Variants in RBFOX1 observed in about 807,000 individuals in gnomAD.
The protein encoded by RBFOX1 is RNA binding fox-1 homolog 1.
A neutral mutation model predicts 57.7 loss-of-function variants in RBFOX1; 8 were observed. The observed-to-expected ratio is 0.14, with a 90% CI of 0.08 to 0.25. The LOEUF is 0.25. Ranked by LOEUF, RBFOX1 falls within the 10% of genes least tolerant of loss-of-function variation. The pLI is 1.00. For synonymous variants in RBFOX1, 326 were observed against 222.4 expected (o/e 1.47, Z -4.15); for missense variants, 611 against 548.5 (o/e 1.11, Z -1.14).
At chr16:7,200,745 C>T (rs576223957) in intron 4 of RBFOX1, among the ~76,000 whole-genome samples, 8 of 152,238 alleles carry the variant, frequency 5.3e-5, no homozygotes, top group African/African-American at 1.9e-4. Context: ...ATTAAGATGG[C>T]AGTGAAAATT....
At chr16:6,405,699 C>T (rs988715063) in intron 2 of RBFOX1, among the ~76,000 whole-genome samples, 1 of 152,126 alleles carries the variant, frequency 6.6e-6, no homozygotes, top group Non-Finnish European at 1.5e-5. Context: ...GAGGTAGACC[C>T]TATACATGAC....
intron 1 of RBFOX1, among the ~76,000 whole-genome samples, chr16:5,368,077 CA>C: frequency 6.6e-6 from 1 of 152,308 alleles, no homozygotes; most frequent in South Asian, 2.1e-4. Flanking sequence ...TAACCAGTCA[CA>C]AATCAGTTCA....
At chr16:7,551,533 T>C (rs935223973) in intron 5 of RBFOX1, among the ~76,000 whole-genome samples, 3 of 152,168 alleles carry the variant, frequency 2.0e-5, no homozygotes, top group Non-Finnish European at 4.4e-5. Flanking sequence ...GAGCTGACAT[T>C]GTTTTGAGGG....
At chr16:5,674,427 G>T (rs928586596) in intron 3 of RBFOX1, among the ~76,000 whole-genome samples, 1 of 152,152 alleles carries the variant, frequency 6.6e-6, no homozygotes, top group Non-Finnish European at 1.5e-5. Flanking sequence ...ACATGCCCGG[G>T]CGCAGGTTGA....
At chr16:5,787,708 A>G (rs997193474) in intron 3 of RBFOX1, among the ~76,000 whole-genome samples, 1 of 152,354 alleles carries the variant, frequency 6.6e-6, no homozygotes, top group African/African-American at 2.4e-5. Flanking sequence ...AGGCGAGCCC[A>G]GGAGAGGGTG....
intron 4 of RBFOX1, among the ~76,000 whole-genome samples, chr16:7,368,712 A>C (rs771791543): frequency 6.6e-6 from 1 of 151,718 alleles, no homozygotes; most frequent in Non-Finnish European, 1.5e-5. Flanking sequence ...CCTGGGAGAC[A>C]GAGCTTGCAG....
chr16:7,069,026 C>T (rs1407456391), intron 4 of RBFOX1, among the ~76,000 whole-genome samples: 1 of 152,204 alleles, frequency 6.6e-6, no homozygotes, highest in Admixed American at 6.5e-5. Context: ...AAGTAAAACA[C>T]ATGAATGAAT....
At chr16:6,815,410 C>G (rs1414262528) in intron 3 of RBFOX1, among the ~76,000 whole-genome samples, 2 of 152,122 alleles carry the variant, frequency 1.3e-5, no homozygotes, top group Admixed American at 1.3e-4. Flanking sequence ...CTTACTTTAC[C>G]TAACCCCTTT....
At chr16:7,429,039 G>C (rs575311765) in intron 4 of RBFOX1, among the ~76,000 whole-genome samples, 1 of 152,174 alleles carries the variant, frequency 6.6e-6, no homozygotes, top group Non-Finnish European at 1.5e-5. Flanking sequence ...GTCCACACTG[G>C]TGGAAAGGTG....
chr16:5,722,421 T>C (rs568011269), intron 3 of RBFOX1, among the ~76,000 whole-genome samples: 13 of 152,358 alleles, frequency 8.5e-5, no homozygotes, highest in African/African-American at 2.4e-4. Context: ...AGTCAAGGGC[T>C]CTGCTGGGCT....
At chr16:6,550,554 G>C (rs778002027) in intron 2 of RBFOX1, among the ~76,000 whole-genome samples, 1 of 152,178 alleles carries the variant, frequency 6.6e-6, no homozygotes, top group East Asian at 1.9e-4. Flanking sequence ...TTGGACTCCT[G>C]ACCTCAAGTG....
At chr16:6,966,913 AT>A (rs2084364033) in intron 3 of RBFOX1, among the ~76,000 whole-genome samples, 1 of 150,064 alleles carries the variant, frequency 6.7e-6, no homozygotes, top group African/African-American at 2.5e-5. Flanking sequence ...CCATCCATCC[AT>A]CCATCCATCC....
intron 4 of RBFOX1, among the ~76,000 whole-genome samples, chr16:7,475,223 G>C (rs543542406): frequency 6.6e-6 from 1 of 152,200 alleles, no homozygotes; most frequent in South Asian, 2.1e-4. Flanking sequence ...AAGAACAAAA[G>C]GGAGGAGTGT....
chr16:7,046,808 G>T lies in RBFOX1; in HGVS notation c.-15-5249G>T, dbSNP rs554518420. Reference sequence around the variant, plus strand: ...TTTAATAGAGACGGGGTTTTGCTGTGTTGACCAGACTGGTCTTGAACTCCT... The same window carrying T: ...TTTAATAGAGACGGGGTTTTGCTGTTTTGACCAGACTGGTCTTGAACTCCT... On this transcript the variant is annotated intron_variant, in intron 3 of 15. Coordinates refer to ENST00000550418, the MANE Select transcript of RBFOX1 (RefSeq NM_018723.4). Among the ~76,000 whole-genome samples the T allele has an allele frequency of 2.0e-5, 3 of 151,846 alleles. No individual in the cohort carries two copies. The South Asian group carries it at 6.2e-4, about 32-fold the overall frequency.
chr16:5,465,685 T>C (rs993270677), intron 1 of RBFOX1, among the ~76,000 whole-genome samples: 1 of 152,344 alleles, frequency 6.6e-6, no homozygotes, highest in African/African-American at 2.4e-5. Flanking sequence ...CTAAGAACTA[T>C]AACAAACATA....
chr16:7,506,396 G>T (rs2073313461), intron 4 of RBFOX1, among the ~76,000 whole-genome samples: 1 of 152,034 alleles, frequency 6.6e-6, no homozygotes, highest in Admixed American at 6.6e-5. Context: ...GCTTGAAAAA[G>T]AAGATAAAAA....
At chr16:6,557,101 A>G (rs997577653) in intron 2 of RBFOX1, among the ~76,000 whole-genome samples, 15 of 145,840 alleles carry the variant, frequency 1.0e-4, no homozygotes, top group Non-Finnish European at 1.5e-5. Context: ...ATACATATAT[A>G]CATACATATA....
chr16:6,599,336 G>T (rs967200582), intron 2 of RBFOX1, among the ~76,000 whole-genome samples: 1 of 152,124 alleles, frequency 6.6e-6, no homozygotes, highest in Non-Finnish European at 1.5e-5. Context: ...TCCTCTAATG[G>T]TTGTGCGTTT....
Position 7,518,227 on chromosome 16 carries a change from T to C in RBFOX1, c.108T>C (p.Gly36=). ...CCCAGTTTGCTCCCCCGCAGAACGG[T>C]ATCCCCGCGGAATACACGGCCCCTC... ...ASAQFAPPQN[G]IPAEYTAPHP... Residue 36 remains glycine (G), a synonymous_variant, in exon 5 of 16, where the codon GGT becomes GGC. Transcript: ENST00000550418. 1 of 1,614,040 alleles carries C rather than the reference T, an allele frequency of 6.2e-7. No homozygotes were observed. Among genetic ancestry groups the C allele is most frequent in the African/African-American group, 1.3e-5 (1 of 75,012 alleles).
Sources: gnomAD v4.1 joint callset for allele counts (sites outside exome capture counted in the v4.1 genomes callset) on GRCh38, gnomAD v4.1.1 for gene constraint, MANE v1.5 for transcripts, NCBI Gene and HGNC (gene_info 2026-07-23, HGNC 2026-07-21) for gene names.